EPB41L4A: variants seen among roughly 807,000 people sequenced by gnomAD.
EPB41L4A encodes band 4.1-like protein 4A.
In EPB41L4A, 100 loss-of-function variants were observed where a neutral mutation model predicts 108.6. The observed-to-expected ratio is 0.92, with a 90% CI of 0.78 to 1.09. EPB41L4A has a LOEUF of 1.09. Ranked by LOEUF, EPB41L4A falls within the 50% of genes least tolerant of loss-of-function variation. EPB41L4A has a pLI of 0.00. For missense variants in EPB41L4A, 1,030 were observed against 842.7 expected (o/e 1.22, Z -2.75); for synonymous variants, 319 against 289.0 (o/e 1.10, Z -1.05).
At chr5:112,396,160 A>C (rs1761335684) in intron 1 of EPB41L4A, among the ~76,000 whole-genome samples, 1 of 152,148 alleles carries the variant, frequency 6.6e-6, no homozygotes, top group Non-Finnish European at 1.5e-5. Flanking sequence ...ATGACGAGTT[A>C]ATGGGTGCGG....
chr5:112,376,761 G>A (rs563501331), intron 1 of EPB41L4A, among the ~76,000 whole-genome samples: 16 of 152,248 alleles, frequency 1.1e-4, no homozygotes, highest in South Asian at 2.1e-4. Flanking sequence ...GGAACCAACC[G>A]TGGAACTATG....
At chr5:112,269,457 T>G (rs1016723263) in intron 4 of EPB41L4A, among the ~76,000 whole-genome samples, 2 of 152,152 alleles carry the variant, frequency 1.3e-5, no homozygotes, top group African/African-American at 4.8e-5. Flanking sequence ...GTATATTTTA[T>G]GGGGTTTATA....
chr5:112,324,786 G>T (rs1214364622), intron 1 of EPB41L4A, among the ~76,000 whole-genome samples: 1 of 150,292 alleles, frequency 6.7e-6, no homozygotes, highest in Non-Finnish European at 1.5e-5. Context: ...AAGGGGAGGG[G>T]ACAGAGAATT....
chr5:112,175,885 C>T (rs1287842394), intron 18 of EPB41L4A, among the ~76,000 whole-genome samples: 2 of 152,040 alleles, frequency 1.3e-5, no homozygotes, highest in Admixed American at 1.3e-4. Flanking sequence ...CCCTCCTCAG[C>T]CTCCCAAGTA....
At chr5:112,386,704 G>A (rs1760556751) in intron 1 of EPB41L4A, among the ~76,000 whole-genome samples, 1 of 152,212 alleles carries the variant, frequency 6.6e-6, no homozygotes, top group South Asian at 2.1e-4. Flanking sequence ...AATAAATACA[G>A]GACACAGCTC....
chr5:112,319,055 T>G (rs1434231539), intron 1 of EPB41L4A, among the ~76,000 whole-genome samples: 1 of 152,106 alleles, frequency 6.6e-6, no homozygotes, highest in African/African-American at 2.4e-5. Flanking sequence ...GGTACCCACA[T>G]CTTTGGTTTC....
At chr5:112,191,914 C>T (rs187232685) in intron 17 of EPB41L4A, 1 of 152,216 alleles carries the variant, frequency 6.6e-6, no homozygotes, top group East Asian at 1.9e-4. Flanking sequence ...TGGAAAGTAA[C>T]GAAGCAACCT....
At chr5:112,194,533 C>G (rs1761864644) in intron 17 of EPB41L4A, 35 bp downstream of exon 17, 1 of 1,291,434 alleles carries the variant, frequency 7.7e-7, no homozygotes, top group Admixed American at 2.1e-5. Flanking sequence ...CCTCTGATTT[C>G]AGAGTGCCAG....
intron 1 of EPB41L4A, among the ~76,000 whole-genome samples, chr5:112,345,776 T>TAC (rs1261678875): frequency 2.8e-4 from 11 of 39,662 alleles, no homozygotes; most frequent in Middle Eastern, 0.011. Context: ...TACATATATA[T>TAC]ATATACACAC....
At chr5:112,314,505 T>TAAAAAAAAAAAAAAAAAAA (rs552428109) in intron 1 of EPB41L4A, among the ~76,000 whole-genome samples, 24 of 55,184 alleles carry the variant, frequency 4.3e-4, no homozygotes, top group East Asian at 3.3e-3. Flanking sequence ...CCATCGCTAC[T>TAAAAAAAAAAAAAAAAAAA]AAAAAAAAAA....
upstream of EPB41L4A, chr5:112,419,591 G>A (rs1247421066): frequency 2.2e-6 from 1 of 454,230 alleles, no homozygotes; most frequent in East Asian, 7.0e-5. Context: ...GGTCAGATCC[G>A]CCGAGTATGA....
At chr5:112,261,085 G>C (rs993667389) in intron 7 of EPB41L4A, among the ~76,000 whole-genome samples, 1 of 152,162 alleles carries the variant, frequency 6.6e-6, no homozygotes, top group East Asian at 1.9e-4. Flanking sequence ...GATTAATGTG[G>C]CTAAAGGGAG....
At position 112,255,136 on chromosome 5, in the gene EPB41L4A, G is replaced by A. The variant is rs77612083; in HGVS notation, c.795+4093C>T. ...TTGATGAAATTCTGCAGTCTTTCAC[G>A]GTGGGTGTCATCCTGAAAGTCACCC... On this transcript the variant is annotated intron_variant, in intron 9 of 22. Coordinates refer to ENST00000261486, the MANE Select transcript of EPB41L4A (RefSeq NM_022140.5). Among the ~76,000 whole-genome samples, 670 of 152,072 alleles carry A rather than the reference G, an allele frequency of 4.4e-3. 7 individuals are homozygous for A. Among genetic ancestry groups the A allele is most frequent in the East Asian group, 0.017 (87 of 5,152 alleles).
chr5:112,246,708 C>T (rs959636883), intron 9 of EPB41L4A, among the ~76,000 whole-genome samples: 10 of 152,146 alleles, frequency 6.6e-5, no homozygotes, highest in Non-Finnish European at 1.0e-4. Context: ...CTTCCCTTAC[C>T]CTATTTTGTC....
intron 1 of EPB41L4A, among the ~76,000 whole-genome samples, chr5:112,376,537 G>A (rs909819513): frequency 6.6e-6 from 1 of 152,170 alleles, no homozygotes; most frequent in African/African-American, 2.4e-5. Context: ...TTGGTATTTA[G>A]CTCAGAGAAA....
intron 1 of EPB41L4A, among the ~76,000 whole-genome samples, chr5:112,391,661 G>C (rs1267954718): frequency 6.6e-6 from 1 of 152,136 alleles, no homozygotes; most frequent in Non-Finnish European, 1.5e-5. Context: ...CACTCTTCAG[G>C]ATATTATCCA....
chr5:112,195,539 T>C, intron 16 of EPB41L4A, 122 bp downstream of exon 16: 1 of 774,876 alleles, frequency 1.3e-6, no homozygotes, highest in Non-Finnish European at 2.1e-6. Flanking sequence ...GAAGACAAAC[T>C]GGCTTTTGAA....
intron 1 of EPB41L4A, chr5:112,363,398 T>C (rs114146404): frequency 2.5e-5 from 3 of 119,234 alleles, no homozygotes; most frequent in African/African-American, 6.5e-5. Flanking sequence ...CTGAGGCAAA[T>C]AGTGAGACCC....
intron 1 of EPB41L4A, among the ~76,000 whole-genome samples, chr5:112,329,057 G>A (rs1344540855): frequency 6.6e-6 from 1 of 152,210 alleles, no homozygotes; most frequent in Non-Finnish European, 1.5e-5. Context: ...GAGCTGTGCA[G>A]TCCGATACGG....
Sources: gnomAD v4.1 joint callset for allele counts (sites outside exome capture counted in the v4.1 genomes callset) on GRCh38, gnomAD v4.1.1 for gene constraint, MANE v1.5 for transcripts, NCBI Gene and HGNC (gene_info 2026-07-23, HGNC 2026-07-21) for gene names.